FAM124B: variants seen among roughly 807,000 people sequenced by gnomAD.
The protein encoded by FAM124B is family with sequence similarity 124 member B.
A neutral mutation model predicts 19.7 loss-of-function variants in FAM124B; 18 were observed. The ratio of observed to expected loss-of-function variants is 0.92; its 90% CI spans 0.63 to 1.36. The LOEUF (loss-of-function observed/expected upper bound fraction) is 1.36, where lower values mean the gene tolerates loss of function less well. FAM124B is among the 40% of genes most tolerant of loss of function. The pLI is 0.00. For synonymous variants in FAM124B, 223 were observed against 225.2 expected (o/e 0.99, Z 0.09); for missense variants, 540 against 553.3 (o/e 0.98, Z 0.24).
intron 1 of FAM124B, chr2:224,399,754 A>G (rs1322949162): frequency 6.6e-6 from 1 of 152,240 alleles, no homozygotes; most frequent in Non-Finnish European, 1.5e-5. Flanking sequence ...TGTTATAAGT[A>G]TTAAATAAAA....
chr2:224,401,548 T>C lies in FAM124B; in HGVS notation c.221A>G (p.His74Arg), dbSNP rs771123387. The part of the protein sequence containing the change: ...FPGMSVLLFL[H>R]ESPGEDRLFR... ...TAGCCTATCCTCTCCCGGGCTTTCGTGCAGGAAGAGCAACACGGACATCCC... is the reference window on the plus strand; with the variant it reads ...TAGCCTATCCTCTCCCGGGCTTTCGCGCAGGAAGAGCAACACGGACATCCC... Residue 74 changes from histidine (H) to arginine (R), a missense_variant, in exon 1 of 2, where the codon CAC becomes CGC. By Grantham distance (29) the His-to-Arg change is conservative (BLOSUM62 0). Transcript: ENST00000409685. 1.2e-5 allele frequency: 20 copies of C among 1,613,926 alleles called. No homozygotes were observed. In the Admixed American group the frequency reaches 2.8e-4, roughly 23 times the overall value.
intron 1 of FAM124B, chr2:224,400,295 C>T: frequency 1.8e-6 from 1 of 546,558 alleles, no homozygotes; most frequent in Non-Finnish European, 3.3e-6. Context: ...GTACTGCAAA[C>T]TTAACATCCC....
chr2:224,388,534 C>T (rs1689832838), intron 1 of FAM124B, among the ~76,000 whole-genome samples: 1 of 148,236 alleles, frequency 6.7e-6, no homozygotes, highest in Non-Finnish European at 1.5e-5. Flanking sequence ...CTCATAGAGA[C>T]AGAAAGTAGA....
intron 1 of FAM124B, among the ~76,000 whole-genome samples, chr2:224,387,183 C>A (rs1456712246): frequency 6.6e-6 from 1 of 152,178 alleles, no homozygotes; most frequent in South Asian, 2.1e-4. Flanking sequence ...GAATTCTGAT[C>A]ATTTTGAGAT....
chr2:224,401,136 C>T lies in FAM124B; in HGVS notation c.633G>A (p.Glu211=). 1 of 1,614,210 alleles carries T rather than the reference C, an allele frequency of 6.2e-7. No individual in the cohort carries two copies. Among genetic ancestry groups the T allele is most frequent in the Non-Finnish European group, 8.5e-7 (1 of 1,180,046 alleles). The change falls in exon 1 of 2, where the codon GAG becomes GAA. Residue 211 remains glutamate, a synonymous_variant. Transcript: ENST00000409685. ...ESSVLQFKVQ[E]IGQLVPLLPN... ...GTAGCAGAGGCACTAACTGGCCGAT[C>T]TCTTGAACCTTAAACTGCAGCACCG...
Position 224,379,571 on chromosome 2 carries a change from T to C in FAM124B, c.*2A>G. On this transcript the variant is annotated 3_prime_UTR_variant, in exon 2 of 2. Coordinates refer to ENST00000409685, the MANE Select transcript of FAM124B (RefSeq NM_001122779.2). ...GTTTTAGAAAACCACATTTATTTTA[T>C]GCTATATAAAGAATTCTTCTTCATC... 1.6e-5 allele frequency: 24 copies of C among 1,525,716 alleles called. No individual in the cohort carries two copies. Among genetic ancestry groups the C allele is most frequent in the South Asian group, 2.5e-5 (2 of 80,098 alleles). The allele number at this position is 1,525,716 out of a possible 1,614,324, so 94.5% of individuals were successfully genotyped here.
Position 224,379,475 on chromosome 2 carries a change from C to A in FAM124B, c.*98G>T, listed in dbSNP as rs909965753. The A allele has an allele frequency of 1.4e-6, 2 of 1,416,242 alleles. No individual in the cohort carries two copies. The highest frequency in any genetic ancestry group is 1.9e-6 in the Non-Finnish European group (2 of 1,074,648). 87.7% of individuals were successfully genotyped at this position (1,416,242 alleles called of 1,614,324 possible). ...TTGTGCATGGGGAGCATTCAGCCCC[C>A]CTCAGATGAACAACTAACAGGCTGA... On this transcript the variant is annotated 3_prime_UTR_variant, in exon 2 of 2. Coordinates refer to ENST00000409685, the MANE Select transcript of FAM124B (RefSeq NM_001122779.2).
intron 1 of FAM124B, among the ~76,000 whole-genome samples, chr2:224,384,366 G>C (rs970408607): frequency 6.6e-6 from 1 of 152,122 alleles, no homozygotes; most frequent in African/African-American, 2.4e-5. Flanking sequence ...TGAGTCCAAA[G>C]ACTATCACTT....
At chr2:224,387,019 G>T (rs1160785694) in intron 1 of FAM124B, among the ~76,000 whole-genome samples, 1 of 152,110 alleles carries the variant, frequency 6.6e-6, no homozygotes, top group South Asian at 2.1e-4. Context: ...AAAGCAGAGG[G>T]CAAAAGTGAG....
chr2:224,399,203 T>A (rs1408389052), intron 1 of FAM124B, among the ~76,000 whole-genome samples: 1 of 152,238 alleles, frequency 6.6e-6, no homozygotes, highest in Non-Finnish European at 1.5e-5. Flanking sequence ...AAGACAGGAA[T>A]GATTAAAATC....
At chr2:224,388,094 CAT>C (rs202220311) in intron 1 of FAM124B, among the ~76,000 whole-genome samples, 2,368 of 152,202 alleles carry the variant, frequency 0.016, 65 homozygotes, top group African/African-American at 0.053. Context: ...TGGAAATAAA[CAT>C]GTGTAATAAA....
At chr2:224,387,448 A>C (rs144513245) in intron 1 of FAM124B, among the ~76,000 whole-genome samples, 3 of 152,344 alleles carry the variant, frequency 2.0e-5, no homozygotes, top group African/African-American at 7.2e-5. Flanking sequence ...TTTCTTCAAC[A>C]CTGGGGAAAA....
intron 1 of FAM124B, among the ~76,000 whole-genome samples, chr2:224,385,478 C>T (rs181821285): frequency 1.5e-3 from 231 of 152,304 alleles, no homozygotes; most frequent in Non-Finnish European, 1.4e-3. Context: ...TCTTCTCACT[C>T]TACCTGCCCC....
chr2:224,396,095 T>C (rs556883560), intron 1 of FAM124B, among the ~76,000 whole-genome samples: 1 of 152,322 alleles, frequency 6.6e-6, no homozygotes, highest in East Asian at 1.9e-4. Flanking sequence ...GACCTTAGGT[T>C]CTAGGTTCAC....
intron 1 of FAM124B, among the ~76,000 whole-genome samples, chr2:224,390,244 C>T (rs1689860302): frequency 6.6e-6 from 1 of 151,380 alleles, no homozygotes; most frequent in Non-Finnish European, 1.5e-5. Flanking sequence ...TTCAAGAAGG[C>T]AGGAGTGGCC....
intron 1 of FAM124B, among the ~76,000 whole-genome samples, chr2:224,381,762 A>G (rs2106076067): frequency 6.6e-6 from 1 of 152,306 alleles, no homozygotes; most frequent in Non-Finnish European, 1.5e-5. Flanking sequence ...TTGACAGGAA[A>G]GGAGGCTCTT....
At position 224,379,829 on chromosome 2, in the gene FAM124B, T is replaced by G. The variant is rs1043656512; in HGVS notation, c.1112A>C (p.Asn371Thr). 1 of 1,551,844 alleles carries G rather than the reference T, an allele frequency of 6.4e-7. No individual in the cohort carries two copies. Among genetic ancestry groups the G allele is most frequent in the African/African-American group, 1.4e-5 (1 of 73,052 alleles). ...TNVDTGLTII[N>T]SEPRQTYFGG... is the part of the protein sequence containing the mutation. The stretch of plus-strand genomic sequence containing the variant: ...AAAATAAGTCTGCCTGGGTTCAGAA[T>G]TTATGATGGTCAAGCCGGTGTCAAC... Residue 371 changes from asparagine to threonine, a missense_variant, in exon 2 of 2, where the codon AAT (asparagine) becomes ACT (threonine). Asn to Thr is a moderately conservative substitution (Grantham distance 65, BLOSUM62 0). Coordinates refer to ENST00000409685, the MANE Select transcript of FAM124B (RefSeq NM_001122779.2).
intron 1 of FAM124B, among the ~76,000 whole-genome samples, chr2:224,390,221 C>G (rs1689859459): frequency 6.6e-6 from 1 of 151,514 alleles, no homozygotes; most frequent in Non-Finnish European, 1.5e-5. Flanking sequence ...TGACGGCCCA[C>G]AGAGGAGAGG....
chr2:224,384,247 G>T (rs1174043431), intron 1 of FAM124B, among the ~76,000 whole-genome samples: 1 of 152,094 alleles, frequency 6.6e-6, no homozygotes, highest in Admixed American at 6.5e-5. Flanking sequence ...TGAGGCCATG[G>T]GCTCCGGCAC....
Sources: allele counts gnomAD v4.1 joint callset (sites outside exome capture counted in the v4.1 genomes callset), GRCh38; gene constraint gnomAD v4.1.1; transcripts MANE v1.5; gene names NCBI Gene and HGNC (gene_info 2026-07-23, HGNC 2026-07-21).